PGBD5: variants seen among roughly 807,000 people sequenced by gnomAD.
PGBD5 encodes the protein piggyBac transposable element derived 5.
A neutral mutation model predicts 47.9 loss-of-function variants in PGBD5; 14 were observed. The ratio of observed to expected loss-of-function variants is 0.29; its 90% confidence interval spans 0.19 to 0.46. The LOEUF (loss-of-function observed/expected upper bound fraction) is 0.46. PGBD5 is among the 20% of genes least tolerant of loss of function. The pLI is 1.00. For missense variants in PGBD5, 635 were observed against 716.0 expected (o/e 0.89, Z 1.29); for synonymous variants, 316 against 306.3 (o/e 1.03, Z -0.33).
rs1184592751 is a variant in PGBD5 at position 230,317,925 on chromosome 1, C to G, written c.*5500G>C. On this transcript the variant is annotated 3_prime_UTR_variant, in exon 7 of 7. Transcript: ENST00000391860. ...CCCGCAGGAGTCTCCTCATTACGAC[C>G]GTGTATACATGGGTATACACGGAAG... is the stretch of plus-strand genomic sequence containing the variant. 3.9e-5 allele frequency: 6 copies of G among 152,286 alleles called. No individual in the cohort carries two copies. The East Asian group carries it at 1.2e-3, about 30-fold the overall frequency. The allele number at this position is 152,286 out of a possible 1,614,324, so 9.4% of individuals were successfully genotyped here.
chr1:230,342,449 G>T (rs1372568012), intron 3 of PGBD5, among the ~76,000 whole-genome samples: 2 of 152,210 alleles, frequency 1.3e-5, no homozygotes, highest in Non-Finnish European at 2.9e-5. Context: ...AAGTAATTCA[G>T]CTGTGGAAAC....
intron 3 of PGBD5, among the ~76,000 whole-genome samples, chr1:230,344,523 T>C (rs980265192): frequency 2.0e-5 from 3 of 152,188 alleles, no homozygotes; most frequent in African/African-American, 4.8e-5. Context: ...TCTGTAAGTG[T>C]TCGTCATTCT....
rs377707359 is a variant in PGBD5, at chr1:230,323,444, T to A, written c.1556A>T (p.Asp519Val). Residue 519 changes from aspartate (D) to valine (V), a missense_variant, in exon 7 of 7, where the codon GAT (aspartate) becomes GTT (valine). Transcript: ENST00000391860. This position sits in a 1 kb window ranked among gnomAD's most constrained non-coding sequence, Gnocchi z 4.1. ...RLVRELLGLE[D>V]ASPTH Reference sequence around the variant, plus strand: ...CCAGCATCAGTGGGTCGGAGAGGCATCCTCCAAGCCCAGCAGCTCTCTGAC... The same window carrying A: ...CCAGCATCAGTGGGTCGGAGAGGCAACCTCCAAGCCCAGCAGCTCTCTGAC... 1 of 1,613,744 alleles carries A rather than the reference T, an allele frequency of 6.2e-7. No individual in the cohort carries two copies. Among genetic ancestry groups the A allele is most frequent in the Non-Finnish European group, 8.5e-7 (1 of 1,179,914 alleles).
intron 5 of PGBD5, among the ~76,000 whole-genome samples, chr1:230,330,592 T>C (rs1409562350): frequency 6.6e-6 from 1 of 152,180 alleles, no homozygotes; most frequent in African/African-American, 2.4e-5. Context: ...GGAGCAGCTA[T>C]GAACTTTACC....
rs578044998 is a variant in PGBD5, at chr1:230,398,668, C to T, written c.331+26930G>A. The stretch of plus-strand genomic sequence containing the variant: ...TGGGCAAGGCCCTCTCCCCAGCAGA[C>T]CAGACCATAAGCCCTCAGTAGGCAG... On this transcript the variant is annotated intron_variant, in intron 1 of 6. Coordinates refer to ENST00000391860, the MANE Select transcript of PGBD5 (RefSeq NM_001258311.2). 3.3e-5 allele frequency among the ~76,000 whole-genome samples: 5 copies of T among 152,312 alleles called. No individual in the cohort carries two copies. In the South Asian group the frequency reaches 1.0e-3, roughly 32 times the overall value.
intron 1 of PGBD5, among the ~76,000 whole-genome samples, chr1:230,411,132 A>C (rs1162828035): frequency 6.6e-6 from 1 of 152,150 alleles, no homozygotes; most frequent in African/African-American, 2.4e-5. Context: ...GGAAAAAAAA[A>C]ATTAGTCAGG....
In PGBD5 at chr1:230,315,513, C is replaced by G. The variant is rs1326169377; in HGVS notation, c.*7912G>C. On this transcript the variant is annotated 3_prime_UTR_variant, in exon 7 of 7. Coordinates refer to ENST00000391860, the MANE Select transcript of PGBD5 (RefSeq NM_001258311.2). ...CCCCAGCCCTGTGGACTGCTCCTCC[C>G]TCACCTGGTTTCTACGTGGACCCAC... 1 of 152,268 alleles carries G rather than the reference C, an allele frequency of 6.6e-6. No individual in the cohort carries two copies. The highest frequency in any genetic ancestry group is 1.5e-5 in the Non-Finnish European group (1 of 68,140). The allele number at this position is 152,268 out of a possible 1,614,324, so 9.4% of individuals were successfully genotyped here. A position where few individuals can be genotyped will look rare whatever the true frequency, so the allele number is the denominator to read the frequency against.
rs540546992 is a variant in PGBD5 at position 230,318,990 on chromosome 1, G to A, written c.*4435C>T. ...CTCATAATGATTGTTTTCAGTATTC[G>A]GATCAGCAGAGAGGATTGGATATGG... On this transcript the variant is annotated 3_prime_UTR_variant, in exon 7 of 7. Transcript: ENST00000391860. 6.6e-5 allele frequency: 10 copies of A among 152,314 alleles called. No homozygotes were observed. The highest frequency in any genetic ancestry group is 5.2e-4 in the Admixed American group (8 of 15,300). 9.4% of individuals were successfully genotyped at this position (152,314 alleles called of 1,614,324 possible). A position where few individuals can be genotyped will look rare whatever the true frequency, so the allele number is the denominator to read the frequency against.
rs199937568 is a variant in PGBD5, at chr1:230,337,066, G to A, written c.1075+42C>T. The A allele has an allele frequency of 2.5e-6, 4 of 1,591,750 alleles. No individual in the cohort carries two copies. In the South Asian group the frequency reaches 4.5e-5, roughly 18 times the overall value. On this transcript the variant is annotated intron_variant, in intron 4 of 6. Coordinates refer to ENST00000391860, the MANE Select transcript of PGBD5 (RefSeq NM_001258311.2). Reference sequence around the variant, plus strand: ...GGACCTCTCCCACCACTTTCCCAGGGGAGGCTGGGCCGTATCCTCACTGGC... The same window carrying A: ...GGACCTCTCCCACCACTTTCCCAGGAGAGGCTGGGCCGTATCCTCACTGGC...
In PGBD5 at chr1:230,365,992, C is replaced by G. The variant is rs528401406; in HGVS notation, c.332-8671G>C. Among the ~76,000 whole-genome samples the G allele has an allele frequency of 7.9e-5, 12 of 152,354 alleles. No individual in the cohort carries two copies. The South Asian group carries it at 2.5e-3, about 32-fold the overall frequency. On this transcript the variant is annotated intron_variant, in intron 1 of 6. Coordinates refer to ENST00000391860, the MANE Select transcript of PGBD5 (RefSeq NM_001258311.2). ...AACATTGTGCCTAGCACAGGGATGA[C>G]AGCAGGGCGAATCCTGTAATGTCAA...
chr1:230,365,187 C>T (rs1215482779), intron 1 of PGBD5, among the ~76,000 whole-genome samples: 7 of 149,376 alleles, frequency 4.7e-5, no homozygotes, highest in African/African-American at 7.4e-5. Flanking sequence ...GTGGCGGGCA[C>T]CTGTAGTCCC....
rs764992194 is a variant in PGBD5, at chr1:230,351,100, G to C, written c.760-8C>G. ...CAGGGGTTCATGTAGCACCTGCCAG[G>C]AGGGAAAAAGCAGAGGCTCTCACGG... On this transcript the variant is annotated splice_region_variant and splice_polypyrimidine_tract_variant and intron_variant, in intron 2 of 6. Coordinates refer to ENST00000391860, the MANE Select transcript of PGBD5 (RefSeq NM_001258311.2). 2 of 1,608,642 alleles carry C rather than the reference G, an allele frequency of 1.2e-6. No individual in the cohort carries two copies. Among genetic ancestry groups the C allele is most frequent in the African/African-American group, 1.3e-5 (1 of 74,724 alleles).
chr1:230,425,980 A>C lies in PGBD5; in HGVS notation c.-52T>G, dbSNP rs1266952336. Reference sequence around the variant, plus strand: ...CCCCCACAGTGCCTCCCAGCCGCACACGCCGGGCCCTGGGCCCGCGCCGCG... The same window carrying C: ...CCCCCACAGTGCCTCCCAGCCGCACCCGCCGGGCCCTGGGCCCGCGCCGCG... On this transcript the variant is annotated 5_prime_UTR_variant, in exon 1 of 7. Coordinates refer to ENST00000391860, the MANE Select transcript of PGBD5 (RefSeq NM_001258311.2). This position sits in a 1 kb window ranked among gnomAD's most constrained non-coding sequence, Gnocchi z 4.7. 1.1e-6 allele frequency: 1 copy of C among 872,950 alleles called. No homozygotes were observed. 54.1% of individuals were successfully genotyped at this position (872,950 alleles called of 1,614,324 possible).
At chr1:230,360,974 G>A (rs771610100) in intron 1 of PGBD5, among the ~76,000 whole-genome samples, 2 of 152,198 alleles carry the variant, frequency 1.3e-5, no homozygotes, top group Admixed American at 6.5e-5. Context: ...AGAATTGGAA[G>A]GACGCAGCCC....
chr1:230,423,664 A>G (rs113363893), intron 1 of PGBD5, among the ~76,000 whole-genome samples: 1 of 152,090 alleles, frequency 6.6e-6, no homozygotes, highest in Admixed American at 6.6e-5. Flanking sequence ...CACCACTCCA[A>G]ATTTCCCTCA....
At position 230,375,023 on chromosome 1, in the gene PGBD5, G is replaced by C. The variant is rs74146006; in HGVS notation, c.332-17702C>G. The stretch of plus-strand genomic sequence containing the variant: ...CTCAGGGGGTGAAATCTCTTCATAC[G>C]TTTCCAAAGGATGCCAGGCCCTTTC... On this transcript the variant is annotated intron_variant, in intron 1 of 6. Coordinates refer to ENST00000391860, the MANE Select transcript of PGBD5 (RefSeq NM_001258311.2). Among the ~76,000 whole-genome samples, 1,160 of 152,254 alleles carry C rather than the reference G, an allele frequency of 7.6e-3. 17 individuals carry two copies. Among genetic ancestry groups the C allele is most frequent in the African/African-American group, 0.026 (1,084 of 41,538 alleles).
chr1:230,335,622 G>C, intron 4 of PGBD5, among the ~76,000 whole-genome samples: 1 of 77,772 alleles, frequency 1.3e-5, no homozygotes, highest in African/African-American at 3.9e-5. Context: ...CACACACACA[G>C]GTACACACAC....
intron 3 of PGBD5, among the ~76,000 whole-genome samples, chr1:230,345,088 T>C (rs1458263885): frequency 6.6e-6 from 1 of 152,232 alleles, no homozygotes; most frequent in East Asian, 1.9e-4. Context: ...TCTGCTCTTT[T>C]AGACTATACC....
In PGBD5 at chr1:230,396,565, C is replaced by G. The variant is rs549999856; in HGVS notation, c.331+29033G>C. Among the ~76,000 whole-genome samples, 490 of 139,690 alleles carry G rather than the reference C, an allele frequency of 3.5e-3. 13 individuals are homozygous for G. Among genetic ancestry groups the G allele is most frequent in the African/African-American group, 0.013 (450 of 35,406 alleles). The allele number at this position is 139,690 out of a possible 152,430, so 91.6% of individuals were successfully genotyped here. On this transcript the variant is annotated intron_variant, in intron 1 of 6. Coordinates refer to ENST00000391860, the MANE Select transcript of PGBD5 (RefSeq NM_001258311.2). ...AGCTAAGGTACATTTTGTTGCCCCC[C>G]CTCCCCCTGCATTCATCTGGAATGG... is the stretch of plus-strand genomic sequence containing the variant.
Sources: allele counts gnomAD v4.1 joint callset (sites outside exome capture counted in the v4.1 genomes callset), GRCh38; gene constraint gnomAD v4.1.1; non-coding constraint Gnocchi (gnomAD v3.1); transcripts MANE v1.5; gene names NCBI Gene and HGNC (gene_info 2026-07-23, HGNC 2026-07-21).